The following KCNC2 variants were observed in gnomAD, a reference collection of about 807,000 sequenced individuals.
KCNC2 encodes voltage-gated potassium channel KCNC2.
Under a neutral mutation model 44.5 loss-of-function variants are expected in KCNC2, and 21 were observed. The observed-to-expected ratio is 0.47, with a 90% confidence interval of 0.33 to 0.68. The LOEUF (loss-of-function observed/expected upper bound fraction) is 0.68, where lower values mean the gene tolerates loss of function less well. Among genes scored for constraint, KCNC2 ranks in the 30% least tolerant of loss-of-function variants. KCNC2 has a pLI of 0.01. For synonymous variants in KCNC2, 391 were observed against 339.1 expected (o/e 1.15, Z -1.68); for missense variants, 589 against 826.2 (o/e 0.71, Z 3.52).
intron 2 of KCNC2, among the ~76,000 whole-genome samples, chr12:75,196,494 T>C (rs2030778123): frequency 6.6e-6 from 1 of 152,022 alleles, no homozygotes; most frequent in Non-Finnish European, 1.5e-5. Context: ...TTAAGAGTAA[T>C]AATAATACAA....
chr12:75,068,836 G>A (rs1399114938), intron 2 of KCNC2, among the ~76,000 whole-genome samples: 1 of 152,166 alleles, frequency 6.6e-6, no homozygotes, highest in African/African-American at 2.4e-5. Context: ...AATGACCAGG[G>A]TAGAGGAAAG....
intron 2 of KCNC2, among the ~76,000 whole-genome samples, chr12:75,205,393 T>C (rs531143933): frequency 6.6e-6 from 1 of 152,306 alleles, no homozygotes; most frequent in South Asian, 2.1e-4. Context: ...TTTTGGTGTA[T>C]TCTTTTCTCA....
At chr12:75,160,622 G>A (rs1226905457) in intron 2 of KCNC2, among the ~76,000 whole-genome samples, 4 of 151,702 alleles carry the variant, frequency 2.6e-5, no homozygotes, top group African/African-American at 7.3e-5. Context: ...TCTAAAACAG[G>A]ATCCCATCTG....
intron 2 of KCNC2, among the ~76,000 whole-genome samples, chr12:75,084,863 T>G (rs1488410607): frequency 6.6e-6 from 1 of 151,566 alleles, no homozygotes; most frequent in African/African-American, 2.4e-5. Flanking sequence ...ATGGAGCTTT[T>G]CAAATATGTC....
At chr12:75,058,777 A>AT (rs907157129) in intron 2 of KCNC2, among the ~76,000 whole-genome samples, 1 of 151,812 alleles carries the variant, frequency 6.6e-6, no homozygotes, top group African/African-American at 2.4e-5. Flanking sequence ...TTGCTCAGTA[A>AT]TTTTTTTCTA....
rs115817776 is a variant in KCNC2, at chr12:75,071,761, C to T, written c.688-20444G>A. ...GGTCAGGAGTTTGAGACCAGCCTGA[C>T]CAACGTCTCTAGTAAAAACACAAAA... On this transcript the variant is annotated intron_variant, in intron 2 of 4. Transcript: ENST00000549446. Among the ~76,000 whole-genome samples, 401 of 151,630 alleles carry T rather than the reference C, an allele frequency of 2.6e-3. 3 individuals are homozygous for T. Among genetic ancestry groups the T allele is most frequent in the African/African-American group, 9.5e-3 (394 of 41,368 alleles).
At chr12:75,045,583 G>T (rs924683515) in intron 4 of KCNC2, among the ~76,000 whole-genome samples, 3 of 151,836 alleles carry the variant, frequency 2.0e-5, no homozygotes, top group African/African-American at 7.2e-5. Context: ...TAATTCATGA[G>T]GGTAAACACT....
chr12:75,112,114 A>G (rs558413858), intron 2 of KCNC2, among the ~76,000 whole-genome samples: 1 of 151,974 alleles, frequency 6.6e-6, no homozygotes, highest in African/African-American at 2.4e-5. Context: ...TTTGTTAACT[A>G]TAATTTATCT....
chr12:75,148,602 A>T (rs923692965), intron 2 of KCNC2, among the ~76,000 whole-genome samples: 1 of 152,088 alleles, frequency 6.6e-6, no homozygotes, highest in Admixed American at 6.6e-5. Context: ...TTAAAAGAAG[A>T]TATATGCTGT....
At chr12:75,149,592 A>G (rs1890251016) in intron 2 of KCNC2, among the ~76,000 whole-genome samples, 1 of 151,818 alleles carries the variant, frequency 6.6e-6, no homozygotes, top group African/African-American at 2.4e-5. Flanking sequence ...TTTAGTTCAA[A>G]TCTTATATTG....
intron 2 of KCNC2, among the ~76,000 whole-genome samples, chr12:75,059,832 C>T (rs1424788342): frequency 1.3e-5 from 2 of 151,924 alleles, no homozygotes; most frequent in African/African-American, 2.4e-5. Context: ...TCACAATAGT[C>T]ATAGAGATCT....
At chr12:75,168,382 C>T (rs1891594475) in intron 2 of KCNC2, among the ~76,000 whole-genome samples, 1 of 151,314 alleles carries the variant, frequency 6.6e-6, no homozygotes, top group Non-Finnish European at 1.5e-5. Flanking sequence ...AAACAGGGAA[C>T]TGAGTCAGAG....
At chr12:75,062,741 G>T (rs775065995) in intron 2 of KCNC2, among the ~76,000 whole-genome samples, 1 of 151,888 alleles carries the variant, frequency 6.6e-6, no homozygotes, top group Non-Finnish European at 1.5e-5. Flanking sequence ...TACAGGACTT[G>T]TCCTTGATAT....
In KCNC2 at chr12:75,175,038, C is replaced by G. The variant is rs369462667; in HGVS notation, c.687+32259G>C. Among the ~76,000 whole-genome samples, 85 of 151,980 alleles carry G rather than the reference C, an allele frequency of 5.6e-4. No individual in the cohort carries two copies. In the South Asian group the frequency reaches 0.017, roughly 30 times the overall value. ...CCAAGGAATCTGCTTCCTGCCTGCTCTATAGAACTTCCAAAGAAAAAACAG... is the reference window on the plus strand; with the variant it reads ...CCAAGGAATCTGCTTCCTGCCTGCTGTATAGAACTTCCAAAGAAAAAACAG... On this transcript the variant is annotated intron_variant, in intron 2 of 4. Coordinates refer to ENST00000549446, the MANE Select transcript of KCNC2 (RefSeq NM_139137.4).
intron 2 of KCNC2, among the ~76,000 whole-genome samples, chr12:75,182,520 C>CAAAAAAAAAAAAAAAAAAAA (rs71438888): frequency 3.7e-5 from 3 of 81,414 alleles, no homozygotes; most frequent in Non-Finnish European, 5.1e-5. Flanking sequence ...GATTCCGTCT[C>CAAAAAAAAAAAAAAAAAAAA]AAAAAAAAAA....
intron 2 of KCNC2, among the ~76,000 whole-genome samples, chr12:75,172,458 T>G (rs1258652407): frequency 6.6e-6 from 1 of 151,232 alleles, no homozygotes; most frequent in Non-Finnish European, 1.5e-5. Flanking sequence ...AATTTGCACA[T>G]CCTGCACATG....
intron 2 of KCNC2, among the ~76,000 whole-genome samples, chr12:75,195,203 T>C (rs2030656989): frequency 6.6e-6 from 1 of 152,164 alleles, no homozygotes; most frequent in African/African-American, 2.4e-5. Flanking sequence ...CCTGTATTTC[T>C]TGTACAGAGG....
chr12:75,135,242 G>A (rs142478789), intron 2 of KCNC2, among the ~76,000 whole-genome samples: 5,503 of 149,690 alleles, frequency 0.037, 147 homozygotes, highest in Non-Finnish European at 0.055. Context: ...CTTGTTTCTG[G>A]CAAAAATGTA....
At chr12:75,082,596 C>T (rs1001485733) in intron 2 of KCNC2, among the ~76,000 whole-genome samples, 16 of 150,188 alleles carry the variant, frequency 1.1e-4, no homozygotes, top group African/African-American at 3.2e-4. Flanking sequence ...AAAATGTCCA[C>T]TGCAGTGCTG....
Sources: gnomAD v4.1 joint callset for allele counts (sites outside exome capture counted in the v4.1 genomes callset) on GRCh38, gnomAD v4.1.1 for gene constraint, MANE v1.5 for transcripts, NCBI Gene and HGNC (gene_info 2026-07-23, HGNC 2026-07-21) for gene names.